Variants in POMK observed in about 807,000 individuals in gnomAD.
POMK encodes the protein Sugen kinase 196.
Under a neutral mutation model 23.0 loss-of-function variants are expected in POMK, and 19 were observed. That is an observed-to-expected ratio of 0.83 (90% CI 0.58 to 1.21). POMK has a LOEUF of 1.21. POMK is among the 50% of genes most tolerant of loss of function. POMK has a pLI of 0.00. For missense variants in POMK, 410 were observed against 431.3 expected, an observed-to-expected ratio of 0.95 and a Z score of 0.44; for synonymous variants, 173 against 171.6, an observed-to-expected ratio of 1.01 and a Z score of -0.06.
intron 2 of POMK, among the ~76,000 whole-genome samples, chr8:43,098,652 T>C (rs1427493038): frequency 6.6e-6 from 1 of 152,214 alleles, no homozygotes; most frequent in East Asian, 1.9e-4. Flanking sequence ...CTGGGTCGTG[T>C]GGTGACTGTG....
intron 4 of POMK, among the ~76,000 whole-genome samples, chr8:43,106,546 A>G (rs1387256966): frequency 3.3e-5 from 4 of 120,186 alleles, no homozygotes; most frequent in African/African-American, 6.6e-5. Flanking sequence ...GTCTTGCTCT[A>G]TCGCCCAGGC....
chr8:43,095,970 G>A (rs1811325664), intron 1 of POMK, among the ~76,000 whole-genome samples: 1 of 152,210 alleles, frequency 6.6e-6, no homozygotes, highest in Admixed American at 6.5e-5. Context: ...GGAGCCGTGA[G>A]GAGAGGAAGA....
chr8:43,108,905 A>G (rs1811594694), intron 4 of POMK, among the ~76,000 whole-genome samples: 1 of 152,264 alleles, frequency 6.6e-6, no homozygotes, highest in Admixed American at 6.5e-5. Context: ...CACAACAGTT[A>G]TTACTGATGA....
chr8:43,097,082 G>C (rs1445024615), intron 1 of POMK, among the ~76,000 whole-genome samples: 2 of 152,146 alleles, frequency 1.3e-5, no homozygotes, highest in African/African-American at 4.8e-5. Flanking sequence ...GTCTTAAGTA[G>C]ATAGATAAGT....
intron 4 of POMK, among the ~76,000 whole-genome samples, chr8:43,118,560 TAA>T (rs886076941): frequency 2.3e-4 from 35 of 152,302 alleles, no homozygotes; most frequent in African/African-American, 8.4e-4. Flanking sequence ...TCTTTCCAAA[TAA>T]AAGTCTTTTA....
chr8:43,109,455 T>C (rs996282518), intron 4 of POMK, among the ~76,000 whole-genome samples: 5 of 152,244 alleles, frequency 3.3e-5, no homozygotes, highest in Non-Finnish European at 5.9e-5. Context: ...TTTCCATTAG[T>C]GTATTTTTAA....
chr8:43,122,778 C>G lies in POMK; in HGVS notation c.954C>G (p.Pro318=), dbSNP rs899980411. The G allele has an allele frequency of 6.2e-7, 1 of 1,614,190 alleles. No homozygotes were observed. Among genetic ancestry groups the G allele is most frequent in the Admixed American group, 1.7e-5 (1 of 60,022 alleles). ...ACAAAGCATGCAAGAGCCAGACTCC[C>G]TCAGAAAGACCCACTGCCCAGGACG... The part of the protein sequence containing the change: ...DIHKACKSQT[P]SERPTAQDVL... The change falls in exon 5 of 5, where the codon CCC becomes CCG. Residue 318 remains proline (P), a synonymous_variant. Coordinates refer to ENST00000331373, the MANE Select transcript of POMK (RefSeq NM_032237.5).
chr8:43,104,710 G>A (rs1463294059), intron 4 of POMK, among the ~76,000 whole-genome samples: 1 of 152,102 alleles, frequency 6.6e-6, no homozygotes, highest in Non-Finnish European at 1.5e-5. Flanking sequence ...TTTGGGAGGC[G>A]GAGGTGGGCG....
intron 4 of POMK, among the ~76,000 whole-genome samples, chr8:43,107,764 T>A (rs934928696): frequency 6.6e-6 from 1 of 151,966 alleles, no homozygotes; most frequent in Non-Finnish European, 1.5e-5. Context: ...TACTGCAACC[T>A]CCGCCTCCCG....
intron 4 of POMK, among the ~76,000 whole-genome samples, chr8:43,106,741 C>T (rs1053667766): frequency 9.9e-5 from 15 of 152,048 alleles, no homozygotes; most frequent in Admixed American, 4.6e-4. Context: ...TCAGGTGATC[C>T]GCCCTCCTCG....
At chr8:43,116,529 A>G (rs549907027) in intron 4 of POMK, among the ~76,000 whole-genome samples, 1 of 152,222 alleles carries the variant, frequency 6.6e-6, no homozygotes, top group African/African-American at 2.4e-5. Flanking sequence ...TGGCCTCCCA[A>G]AGTGCTAGGA....
Position 43,123,046 on chromosome 8 carries a change from T to A in POMK, c.*169T>A. 1 of 616,824 alleles carries A rather than the reference T, an allele frequency of 1.6e-6. No individual in the cohort carries two copies. The highest frequency in any genetic ancestry group is 2.8e-6 in the Non-Finnish European group (1 of 358,566). 38.2% of individuals were successfully genotyped at this position (616,824 alleles called of 1,614,324 possible). A position where few individuals can be genotyped will look rare whatever the true frequency, so the allele number is the denominator to read the frequency against. On this transcript the variant is annotated 3_prime_UTR_variant, in exon 5 of 5. Coordinates refer to ENST00000331373, the MANE Select transcript of POMK (RefSeq NM_032237.5). Reference sequence around the variant, plus strand: ...CATGTACGTTTGTATGTAGTCCACATTGGTTGTTAGATTTTTTTTTTTTTC... The same window carrying A: ...CATGTACGTTTGTATGTAGTCCACAATGGTTGTTAGATTTTTTTTTTTTTC...
intron 2 of POMK, among the ~76,000 whole-genome samples, chr8:43,100,447 G>T (rs1811415394): frequency 6.6e-6 from 1 of 151,980 alleles, no homozygotes; most frequent in Non-Finnish European, 1.5e-5. Flanking sequence ...AGGCACCAGG[G>T]TGTGTGCTAA....
chr8:43,112,283 T>TA (rs1410081684), intron 4 of POMK, among the ~76,000 whole-genome samples: 3 of 152,164 alleles, frequency 2.0e-5, no homozygotes, highest in African/African-American at 7.2e-5. Context: ...CAAGCCTCAG[T>TA]AACCTATGCG....
At chr8:43,116,975 G>T (rs1360405558) in intron 4 of POMK, among the ~76,000 whole-genome samples, 4 of 151,916 alleles carry the variant, frequency 2.6e-5, no homozygotes, top group African/African-American at 9.7e-5. Context: ...GTCAAGGGGG[G>T]TTTGTTCTGT....
intron 4 of POMK, among the ~76,000 whole-genome samples, chr8:43,117,550 A>C (rs1242378364): frequency 6.6e-6 from 1 of 152,132 alleles, no homozygotes; most frequent in East Asian, 1.9e-4. Context: ...CGTGTTGTTC[A>C]AGGGTCAAGT....
chr8:43,116,456 T>C (rs1223688614), intron 4 of POMK, among the ~76,000 whole-genome samples: 1 of 151,690 alleles, frequency 6.6e-6, no homozygotes, highest in African/African-American at 2.4e-5. Context: ...TTTTAAAGAG[T>C]TGAGATCTTG....
At chr8:43,095,571 C>T (rs544786907) in intron 1 of POMK, among the ~76,000 whole-genome samples, 2 of 152,208 alleles carry the variant, frequency 1.3e-5, no homozygotes, top group African/African-American at 4.8e-5. Context: ...CTGATGTTGG[C>T]AGCCTTTGAG....
chr8:43,122,662 A>G lies in POMK; in HGVS notation c.838A>G (p.Ile280Val), dbSNP rs1243771382. 4 of 1,614,186 alleles carry G rather than the reference A, an allele frequency of 2.5e-6. No homozygotes were observed. The South Asian group carries it at 3.3e-5, about 13-fold the overall frequency. Residue 280 changes from isoleucine to valine, a missense_variant, in exon 5 of 5, where the codon ATT (isoleucine) becomes GTT (valine). Physicochemically the swap from Ile to Val is conservative, Grantham distance 29 (BLOSUM62 3). Transcript: ENST00000331373. ...DDLMPSYDEK[I>V]DIWKIPDISS... is the part of the protein sequence containing the mutation. ...TCTCATGCCCTCATATGATGAGAAG[A>G]TTGACATTTGGAAGATCCCAGACAT...
Sources: gnomAD v4.1 joint callset for allele counts (sites outside exome capture counted in the v4.1 genomes callset) on GRCh38, gnomAD v4.1.1 for gene constraint, MANE v1.5 for transcripts, NCBI Gene and HGNC (gene_info 2026-07-23, HGNC 2026-07-21) for gene names.